The following PTCD3 variants were observed in gnomAD, a reference collection of about 807,000 sequenced individuals.
The protein encoded by PTCD3 is pentatricopeptide repeat domain 3.
In PTCD3, 89 loss-of-function variants were observed where a neutral mutation model predicts 101.9. That is an observed-to-expected ratio of 0.87 (90% CI 0.74 to 1.04). PTCD3 has a LOEUF of 1.04. PTCD3 is among the 50% of genes least tolerant of loss of function. PTCD3 has a pLI of 0.00. For missense variants in PTCD3, 870 were observed against 828.2 expected, an observed-to-expected ratio of 1.05 and a Z score of -0.62; for synonymous variants, 296 against 278.5, an observed-to-expected ratio of 1.06 and a Z score of -0.63.
chr2:86,110,143 A>G (rs545208424), intron 3 of PTCD3, among the ~76,000 whole-genome samples: 1 of 152,330 alleles, frequency 6.6e-6, no homozygotes, highest in Non-Finnish European at 1.5e-5. Context: ...CATTTGTTCA[A>G]TATGTTAGGA....
Position 86,125,798 on chromosome 2 carries a change from A to T in PTCD3, c.869A>T (p.Asp290Val), listed in dbSNP as rs1674372710. The T allele has an allele frequency of 6.3e-7, 1 of 1,596,590 alleles. No homozygotes were observed. Among genetic ancestry groups the T allele is most frequent in the African/African-American group, 1.3e-5 (1 of 74,524 alleles). The change falls in exon 12 of 24, where the codon GAT (aspartate) becomes GTT (valine). Residue 290 changes from aspartate to valine, a missense_variant. Transcript: ENST00000254630. ...TELLNNRLHADVYTFNALIEA... is the reference protein window; with the variant it reads ...TELLNNRLHAVVYTFNALIEA... ...TTATCATTTTATTATTTTACAGCTGATGTATACACATTTAATGCATTGATT... is the reference window on the plus strand; with the variant it reads ...TTATCATTTTATTATTTTACAGCTGTTGTATACACATTTAATGCATTGATT...
chr2:86,129,436 G>A (rs1469143854), intron 14 of PTCD3, among the ~76,000 whole-genome samples: 1 of 152,174 alleles, frequency 6.6e-6, no homozygotes, highest in East Asian at 1.9e-4. Context: ...GATTGCTTGA[G>A]CCCAGGAGTT....
Position 86,107,998 on chromosome 2 carries a change from T to C in PTCD3, c.105-352T>C, listed in dbSNP as rs1274205077. On this transcript the variant is annotated intron_variant, in intron 1 of 23. Coordinates refer to ENST00000254630, the MANE Select transcript of PTCD3 (RefSeq NM_017952.6). Reference sequence around the variant, plus strand: ...TTGTCTAGCCGGGCATGGTGGCATATGCCTGTAGTCCTAGTTACTCAGGAG... The same window carrying C: ...TTGTCTAGCCGGGCATGGTGGCATACGCCTGTAGTCCTAGTTACTCAGGAG... 2.0e-5 allele frequency among the ~76,000 whole-genome samples: 3 copies of C among 152,196 alleles called. No individual in the cohort carries two copies. In the South Asian group the frequency reaches 6.2e-4, roughly 31 times the overall value.
intron 7 of PTCD3, 77 bp from the exon 8 acceptor site, chr2:86,121,402 A>G (rs1674277866): frequency 1.1e-6 from 1 of 890,308 alleles, no homozygotes; most frequent in African/African-American, 1.7e-5. Context: ...ATATAAAAAA[A>G]TGACACATTT....
rs1450506636 is a variant in PTCD3, at chr2:86,127,903, C to T, written c.1097-38C>T. On this transcript the variant is annotated intron_variant, in intron 13 of 23. Transcript: ENST00000254630. Reference sequence around the variant, plus strand: ...ATGTTTTGGATTGCTGTGTTTTTACCTCATTGTTTATTTTTTCTGTCTACC... The same window carrying T: ...ATGTTTTGGATTGCTGTGTTTTTACTTCATTGTTTATTTTTTCTGTCTACC... The T allele has an allele frequency of 3.3e-6, 5 of 1,517,338 alleles. No homozygotes were observed. In the East Asian group the frequency reaches 9.0e-5, roughly 27 times the overall value. The allele number at this position is 1,517,338 out of a possible 1,614,324, so 94.0% of individuals were successfully genotyped here. A position where few individuals can be genotyped will look rare whatever the true frequency, so the allele number is the denominator to read the frequency against.
At chr2:86,130,969 T>C (rs759871117) in intron 15 of PTCD3, 109 bp from the exon 16 acceptor site, 7 of 1,402,072 alleles carry the variant, frequency 5.0e-6, no homozygotes, top group Non-Finnish European at 6.8e-6. Flanking sequence ...TGTTCTTAGC[T>C]TTATCTTGCA....
At chr2:86,113,406 C>A (rs182437632) in intron 4 of PTCD3, among the ~76,000 whole-genome samples, 54 of 152,174 alleles carry the variant, frequency 3.5e-4, no homozygotes, top group African/African-American at 9.6e-4. Context: ...ATAATTAAGT[C>A]TTTTTTTCTG....
chr2:86,129,528 G>C (rs1361362088), intron 14 of PTCD3, among the ~76,000 whole-genome samples: 2 of 152,126 alleles, frequency 1.3e-5, no homozygotes, highest in African/African-American at 2.4e-5. Flanking sequence ...TGTAGTCCCA[G>C]CTACTCAGGA....
chr2:86,122,900 G>T (rs1387294597), intron 8 of PTCD3, among the ~76,000 whole-genome samples: 2 of 152,156 alleles, frequency 1.3e-5, no homozygotes, highest in Non-Finnish European at 2.9e-5. Flanking sequence ...TGCCAACCAA[G>T]CCTGTATTGC....
intron 10 of PTCD3, 95 bp from the exon 11 acceptor site, chr2:86,125,360 T>C: frequency 7.5e-7 from 1 of 1,328,162 alleles, no homozygotes; most frequent in Non-Finnish European, 1.1e-6. Context: ...GCCTGATCTA[T>C]TGAGCCTGAG....
chr2:86,111,905 C>G (rs907550307), intron 4 of PTCD3: 1 of 152,012 alleles, frequency 6.6e-6, no homozygotes, highest in African/African-American at 2.4e-5. Flanking sequence ...CCACCACGCC[C>G]AACTAATTTT....
Position 86,130,831 on chromosome 2 carries a change from A to G in PTCD3, c.1237+94A>G, listed in dbSNP as rs1051887702. ...AGAGGCCTTGTGATCCCTATAGCTTAGAAGTATTTTTTTTTTTTTTTAAAT... is the reference window on the plus strand; with the variant it reads ...AGAGGCCTTGTGATCCCTATAGCTTGGAAGTATTTTTTTTTTTTTTTAAAT... On this transcript the variant is annotated intron_variant, in intron 15 of 23. Coordinates refer to ENST00000254630, the MANE Select transcript of PTCD3 (RefSeq NM_017952.6). 78 of 1,492,492 alleles carry G rather than the reference A, an allele frequency of 5.2e-5. No individual in the cohort carries two copies. The African/African-American group carries it at 1.1e-3, about 21-fold the overall frequency. The allele number at this position is 1,492,492 out of a possible 1,614,324, so 92.5% of individuals were successfully genotyped here.
intron 7 of PTCD3, among the ~76,000 whole-genome samples, chr2:86,120,389 C>T (rs1311593394): frequency 6.6e-6 from 1 of 152,232 alleles, no homozygotes. Context: ...AGCCATTTCA[C>T]ATACTTAATT....
In PTCD3 at chr2:86,140,471, G is replaced by A. The variant is rs929264104; in HGVS notation, c.*2912G>A. 3 of 152,140 alleles carry A rather than the reference G, an allele frequency of 2.0e-5. No homozygotes were observed. The highest frequency in any genetic ancestry group is 4.8e-5 in the African/African-American group (2 of 41,424). The allele number at this position is 152,140 out of a possible 1,614,324, so 9.4% of individuals were successfully genotyped here. ...TACAGTTTTGTGATGGTGCATTTTT[G>A]CATTGCAGTATAGATCTGTGCATAG... On this transcript the variant is annotated 3_prime_UTR_variant, in exon 24 of 24. Transcript: ENST00000254630.
At chr2:86,136,352 T>TA (rs1674584236) in intron 21 of PTCD3, among the ~76,000 whole-genome samples, 169 bp from the exon 22 acceptor site, 1 of 152,230 alleles carries the variant, frequency 6.6e-6, no homozygotes, top group Non-Finnish European at 1.5e-5. Context: ...GATTCTCATG[T>TA]ACACACAGGG....
intron 14 of PTCD3, 130 bp from the exon 15 acceptor site, chr2:86,130,518 C>A: frequency 7.2e-7 from 1 of 1,388,074 alleles, no homozygotes; most frequent in Non-Finnish European, 9.5e-7. Context: ...GCATTGGCCT[C>A]CACCCAGATC....
chr2:86,135,762 GGT>G, intron 21 of PTCD3: 1 of 366,380 alleles, frequency 2.7e-6, no homozygotes, highest in Non-Finnish European at 5.3e-6. Context: ...TTGTCTTTGA[GGT>G]GTGGCTCACA....
At chr2:86,132,487 T>C in intron 17 of PTCD3, 63 bp downstream of exon 17, 13 of 1,163,822 alleles carry the variant, frequency 1.1e-5, no homozygotes, top group Non-Finnish European at 1.7e-5. Context: ...GGGAGGCTGT[T>C]GATGTCCCTT....
intron 17 of PTCD3, 199 bp downstream of exon 17, chr2:86,132,623 T>TTG: frequency 9.6e-5 from 1 of 10,380 alleles, no homozygotes; most frequent in Non-Finnish European, 5.5e-4. Flanking sequence ...CCTTTAAGGG[T>TTG]TTTTTTTTTT....
Sources: allele counts gnomAD v4.1 joint callset (sites outside exome capture counted in the v4.1 genomes callset), GRCh38; gene constraint gnomAD v4.1.1; transcripts MANE v1.5; gene names NCBI Gene and HGNC (gene_info 2026-07-23, HGNC 2026-07-21).